Variants in ZMAT4 observed in about 807,000 individuals in gnomAD.
ZMAT4 encodes zinc finger matrin-type protein 4.
ZMAT4 carries 17 observed loss-of-function variants against 28.7 expected under a neutral mutation model. The observed-to-expected ratio is 0.59, with a 90% confidence interval of 0.41 to 0.89. The LOEUF (loss-of-function observed/expected upper bound fraction) is 0.89. ZMAT4 is among the 40% of genes least tolerant of loss of function. The probability of loss-of-function intolerance (pLI) is 0.00; values close to 1 mark genes in which losing one functional copy is unlikely to be tolerated. For synonymous variants in ZMAT4, 117 were observed against 109.2 expected, an observed-to-expected ratio of 1.07 and a Z score of -0.44; for missense variants, 240 against 283.8, an observed-to-expected ratio of 0.85 and a Z score of 1.11.
chr8:40,700,798 A>G (rs1208097074), intron 3 of ZMAT4, among the ~76,000 whole-genome samples: 1 of 152,020 alleles, frequency 6.6e-6, no homozygotes, highest in Non-Finnish European at 1.5e-5. Context: ...TGCCTTGTAC[A>G]TTCTTCTTCT....
intron 5 of ZMAT4, among the ~76,000 whole-genome samples, chr8:40,664,699 TGA>T (rs1335285849): frequency 6.6e-6 from 1 of 152,196 alleles, no homozygotes; most frequent in African/African-American, 2.4e-5. Flanking sequence ...ATGGAAACTG[TGA>T]GAGATGAGAA....
chr8:40,533,285 C>G (rs1371119615), intron 6 of ZMAT4, among the ~76,000 whole-genome samples: 2 of 152,084 alleles, frequency 1.3e-5, no homozygotes, highest in African/African-American at 4.8e-5. Flanking sequence ...GAACTTGAAC[C>G]CTGGAAAAAC....
intron 3 of ZMAT4, among the ~76,000 whole-genome samples, chr8:40,715,047 C>CAAGAAAAAAA (rs1810788657): frequency 1.4e-5 from 1 of 73,364 alleles, no homozygotes; most frequent in African/African-American, 6.1e-5. Context: ...GACTCTGTCT[C>CAAGAAAAAAA]AAAAAAAAAA....
At chr8:40,612,565 T>C (rs1805837913) in intron 5 of ZMAT4, among the ~76,000 whole-genome samples, 1 of 137,450 alleles carries the variant, frequency 7.3e-6, no homozygotes, top group Non-Finnish European at 1.7e-5. Flanking sequence ...ACTTCTGTCA[T>C]GACCTTGTGT....
intron 6 of ZMAT4, among the ~76,000 whole-genome samples, chr8:40,536,100 TA>T (rs1029493603): frequency 6.6e-6 from 1 of 152,202 alleles, no homozygotes; most frequent in Non-Finnish European, 1.5e-5. Context: ...GCCCATAAAT[TA>T]AAATAGTGCA....
chr8:40,659,530 C>T (rs1237398347), intron 5 of ZMAT4, among the ~76,000 whole-genome samples: 1 of 152,050 alleles, frequency 6.6e-6, no homozygotes, highest in Non-Finnish European at 1.5e-5. Flanking sequence ...GGAGAGGGGA[C>T]AAAATAAACC....
chr8:40,626,046 G>A lies in ZMAT4; in HGVS notation c.578-44785C>T, dbSNP rs150258500. 3.6e-3 allele frequency among the ~76,000 whole-genome samples: 539 copies of A among 151,590 alleles called. 4 individuals are homozygous for A. The highest frequency in any genetic ancestry group is 0.013 in the African/African-American group (525 of 41,288). On this transcript the variant is annotated intron_variant, in intron 5 of 6. Coordinates refer to ENST00000297737, the MANE Select transcript of ZMAT4 (RefSeq NM_024645.3). ...AATCGTTTGAACCCGGGAGGTGGAG[G>A]TTGCAGTGAGCTGAGATTGCGCCAT...
intron 3 of ZMAT4, among the ~76,000 whole-genome samples, chr8:40,722,263 G>A (rs777167664): frequency 4.6e-5 from 7 of 152,052 alleles, no homozygotes; most frequent in Admixed American, 2.0e-4. Flanking sequence ...GAAAATTTTC[G>A]CAACCTACTC....
chr8:40,560,189 G>T (rs2118462187), intron 6 of ZMAT4, among the ~76,000 whole-genome samples: 1 of 84,322 alleles, frequency 1.2e-5, no homozygotes, highest in South Asian at 4.5e-4. Flanking sequence ...CCATAATCTT[G>T]TCAAACTTTA....
In ZMAT4 at chr8:40,839,329, C is replaced by T. The variant is rs1816613171; in HGVS notation, c.-4-13649G>A. Among the ~76,000 whole-genome samples, 3 of 152,200 alleles carry T rather than the reference C, an allele frequency of 2.0e-5. No individual in the cohort carries two copies. The South Asian group carries it at 6.2e-4, about 31-fold the overall frequency. ...TGTGCCTTGCCTCTTCTGCCACCCT[C>T]CAGAAACTTACAAGTAAGCATTTTG... is the stretch of plus-strand genomic sequence containing the variant. On this transcript the variant is annotated intron_variant, in intron 1 of 6. Transcript: ENST00000297737.
At chr8:40,777,290 C>T (rs1240158576) in intron 2 of ZMAT4, among the ~76,000 whole-genome samples, 1 of 152,152 alleles carries the variant, frequency 6.6e-6, no homozygotes, top group Non-Finnish European at 1.5e-5. Context: ...TGCCGTGCAG[C>T]ACACACCTGG....
chr8:40,781,918 C>T (rs1413326929), intron 2 of ZMAT4, among the ~76,000 whole-genome samples: 2 of 152,064 alleles, frequency 1.3e-5, no homozygotes, highest in African/African-American at 4.8e-5. Flanking sequence ...GGACTCCTAC[C>T]TCCTACCATA....
intron 5 of ZMAT4, among the ~76,000 whole-genome samples, chr8:40,641,862 A>C (rs1471706526): frequency 6.6e-6 from 1 of 152,184 alleles, no homozygotes; most frequent in Non-Finnish European, 1.5e-5. Context: ...TTCTTTTTTT[A>C]AATGACTTTA....
chr8:40,644,190 G>A (rs1465563652), intron 5 of ZMAT4, among the ~76,000 whole-genome samples: 2 of 152,224 alleles, frequency 1.3e-5, no homozygotes, highest in East Asian at 3.9e-4. Flanking sequence ...TGAAGGGAAA[G>A]AATTTGATTA....
chr8:40,831,558 G>T (rs972205405), intron 1 of ZMAT4, among the ~76,000 whole-genome samples: 6 of 152,162 alleles, frequency 3.9e-5, no homozygotes, highest in African/African-American at 1.2e-4. Context: ...CTCTTGGCTT[G>T]GTGTTCCCCA....
intron 2 of ZMAT4, among the ~76,000 whole-genome samples, chr8:40,783,960 G>A (rs1268193694): frequency 1.3e-5 from 2 of 152,122 alleles, no homozygotes; most frequent in Admixed American, 1.3e-4. Flanking sequence ...GCAGTGAGCA[G>A]AGAAGGCACC....
At chr8:40,651,248 T>C (rs1191631680) in intron 5 of ZMAT4, among the ~76,000 whole-genome samples, 1 of 152,040 alleles carries the variant, frequency 6.6e-6, no homozygotes, top group Non-Finnish European at 1.5e-5. Context: ...ACAAAATCAA[T>C]GTACAAAAAT....
At position 40,765,382 on chromosome 8, in the gene ZMAT4, C is replaced by T. The variant is rs573555643; in HGVS notation, c.192+2259G>A. ...AAATGCATAGCGGAAAGTATATATT[C>T]ACCTACAAATGTACACACAGTGTAA... On this transcript the variant is annotated intron_variant, in intron 3 of 6. Transcript: ENST00000297737. Among the ~76,000 whole-genome samples the T allele has an allele frequency of 9.2e-5, 14 of 152,280 alleles. No individual in the cohort carries two copies. In the East Asian group the frequency reaches 2.7e-3, roughly 29 times the overall value.
chr8:40,823,589 G>A (rs1229636015), intron 2 of ZMAT4, among the ~76,000 whole-genome samples: 1 of 152,150 alleles, frequency 6.6e-6, no homozygotes, highest in African/African-American at 2.4e-5. Context: ...AACCCTAGAG[G>A]AGGAGGTTGC....
Sources: gnomAD v4.1 joint callset for allele counts (sites outside exome capture counted in the v4.1 genomes callset) on GRCh38, gnomAD v4.1.1 for gene constraint, MANE v1.5 for transcripts, NCBI Gene and HGNC (gene_info 2026-07-23, HGNC 2026-07-21) for gene names.